The following MPDZ variants were observed in gnomAD, a reference collection of about 807,000 sequenced individuals.
The protein encoded by MPDZ is multiple PDZ domain crumbs cell polarity complex component, also known as multiple PDZ domain protein.
A neutral mutation model predicts 239.1 loss-of-function variants in MPDZ; 234 were observed. The ratio of observed to expected loss-of-function variants is 0.98; its 90% CI spans 0.88 to 1.09. The LOEUF (loss-of-function observed/expected upper bound fraction) is 1.09, where lower values mean the gene tolerates loss of function less well. Among genes scored for constraint, MPDZ ranks in the 50% least tolerant of loss-of-function variants. The pLI is 0.00. For synonymous variants in MPDZ, 1,048 were observed against 881.3 expected, an observed-to-expected ratio of 1.19 and a Z score of -3.35; for missense variants, 3,175 against 2,510.0, an observed-to-expected ratio of 1.26 and a Z score of -5.66.
chr9:13,111,761 G>C (rs1942511874), intron 43 of MPDZ, among the ~76,000 whole-genome samples: 1 of 152,088 alleles, frequency 6.6e-6, no homozygotes, highest in Admixed American at 6.6e-5. Context: ...CTTTTAGCTT[G>C]TTCCACAGAA....
intron 13 of MPDZ, among the ~76,000 whole-genome samples, chr9:13,193,874 T>G (rs1458217463): frequency 6.6e-6 from 1 of 152,206 alleles, no homozygotes; most frequent in Non-Finnish European, 1.5e-5. Context: ...AAAGACGATC[T>G]ACTTTATCCC....
At chr9:13,212,792 A>G (rs1162632794) in intron 10 of MPDZ, among the ~76,000 whole-genome samples, 1 of 50,638 alleles carries the variant, frequency 2.0e-5, no homozygotes, top group African/African-American at 1.7e-4. Context: ...GTCAAGGTTT[A>G]AAAAAAAAAA....
intron 4 of MPDZ, 124 bp from the exon 5 acceptor site, chr9:13,223,834 C>G (rs1022341205): frequency 1.5e-5 from 14 of 951,902 alleles, no homozygotes; most frequent in East Asian, 8.2e-5. Flanking sequence ...GAGTTAGGGA[C>G]CAGACTGGGC....
chr9:13,221,840 T>C (rs529210532), intron 6 of MPDZ, among the ~76,000 whole-genome samples: 2 of 152,138 alleles, frequency 1.3e-5, no homozygotes, highest in Admixed American at 1.3e-4. Context: ...GAATGTCTTC[T>C]GCATAATCCT....
chr9:13,187,836 AATG>A (rs1459708527), intron 17 of MPDZ, among the ~76,000 whole-genome samples: 1 of 152,134 alleles, frequency 6.6e-6, no homozygotes, highest in African/African-American at 2.4e-5. Flanking sequence ...ACTGCAATAC[AATG>A]ATAAGTGCCA....
chr9:13,243,957 G>C (rs1240401521), intron 3 of MPDZ, among the ~76,000 whole-genome samples: 1 of 152,196 alleles, frequency 6.6e-6, no homozygotes, highest in African/African-American at 2.4e-5. Flanking sequence ...TGCCATCTAA[G>C]CAGCTTTTGC....
At chr9:13,249,712 T>TA (rs1483493528) in intron 2 of MPDZ, among the ~76,000 whole-genome samples, 1 of 152,206 alleles carries the variant, frequency 6.6e-6, no homozygotes, top group Non-Finnish European at 1.5e-5. Context: ...CCATACCTGA[T>TA]ATATCTACCT....
At chr9:13,185,232 T>C (rs1000857233) in intron 18 of MPDZ, among the ~76,000 whole-genome samples, 4 of 152,032 alleles carry the variant, frequency 2.6e-5, no homozygotes, top group Non-Finnish European at 5.9e-5. Context: ...TATTATAACA[T>C]ATACCAAAAC....
intron 17 of MPDZ, among the ~76,000 whole-genome samples, 151 bp from the exon 18 acceptor site, chr9:13,186,537 G>GT (rs1290057156): frequency 6.6e-6 from 1 of 152,062 alleles, no homozygotes; most frequent in African/African-American, 2.4e-5. Context: ...ACATAGAATG[G>GT]TAAGTATGCA....
At chr9:13,183,703 A>G (rs557745753) in intron 18 of MPDZ, 118 bp from the exon 19 acceptor site, 4 of 969,224 alleles carry the variant, frequency 4.1e-6, no homozygotes, top group South Asian at 1.5e-5. Context: ...TGTATTTTCT[A>G]TATGCCCTCT....
intron 1 of MPDZ, among the ~76,000 whole-genome samples, chr9:13,270,890 A>G (rs557881471): frequency 4.6e-5 from 7 of 152,304 alleles, no homozygotes; most frequent in Non-Finnish European, 1.0e-4. Flanking sequence ...AATTCACTAT[A>G]TGACTGTCAT....
intron 10 of MPDZ, among the ~76,000 whole-genome samples, chr9:13,212,288 A>C (rs1957711749): frequency 1.3e-5 from 2 of 152,128 alleles, no homozygotes; most frequent in Admixed American, 1.3e-4. Context: ...ATAATGGAAC[A>C]GTCATGAACT....
Position 13,216,777 on chromosome 9 carries a change from T to C in MPDZ, c.1287A>G (p.Ile429Met). The C allele has an allele frequency of 6.2e-7, 1 of 1,600,920 alleles. No homozygotes were observed. The highest frequency in any genetic ancestry group is 8.5e-7 in the Non-Finnish European group (1 of 1,170,132). ...TATTGTTAAATGTGTAACTTACTGC[T>C]ATAATTTGGTCTCCAATTTGGATTC... ...DGRIQIGDQI[I>M]AVDGTNLQGF... Residue 429 changes from isoleucine to methionine, a missense_variant, in exon 10 of 47, where the codon ATA (isoleucine) becomes ATG (methionine). Ile to Met is a conservative substitution (Grantham distance 10). Transcript: ENST00000319217.
At chr9:13,132,028 C>T (rs1160796787) in intron 32 of MPDZ, among the ~76,000 whole-genome samples, 1 of 152,206 alleles carries the variant, frequency 6.6e-6, no homozygotes, top group Non-Finnish European at 1.5e-5. Flanking sequence ...TCAATAAATA[C>T]ATTCTAGCTA....
At chr9:13,108,456 T>A (rs1000770435) in intron 46 of MPDZ, among the ~76,000 whole-genome samples, 4 of 152,102 alleles carry the variant, frequency 2.6e-5, no homozygotes, top group African/African-American at 7.2e-5. Context: ...ATTTTTTCAG[T>A]AGTTATTTTT....
At position 13,200,897 on chromosome 9, in the gene MPDZ, C is replaced by T. The variant is rs139944152; in HGVS notation, c.1546+4139G>A. On this transcript the variant is annotated intron_variant, in intron 12 of 46. Coordinates refer to ENST00000319217, the MANE Select transcript of MPDZ (RefSeq NM_001378778.1). ...AAATGTGTATTCTGCAGCTGTTGGACGGAACGTTCTGTAAATGTCTATTGG... is the reference window on the plus strand; with the variant it reads ...AAATGTGTATTCTGCAGCTGTTGGATGGAACGTTCTGTAAATGTCTATTGG... Among the ~76,000 whole-genome samples, 380 of 151,994 alleles carry T rather than the reference C, an allele frequency of 2.5e-3. 2 individuals are homozygous for T. Among genetic ancestry groups the T allele is most frequent in the African/African-American group, 8.7e-3 (363 of 41,498 alleles).
chr9:13,123,692 G>A (rs749310187), intron 35 of MPDZ, among the ~76,000 whole-genome samples: 1 of 152,138 alleles, frequency 6.6e-6, no homozygotes, highest in Non-Finnish European at 1.5e-5. Context: ...AAGATTTATA[G>A]AACTCATAAC....
chr9:13,141,594 T>C (rs1188260149), intron 27 of MPDZ, among the ~76,000 whole-genome samples: 2 of 152,198 alleles, frequency 1.3e-5, no homozygotes, highest in East Asian at 1.9e-4. Flanking sequence ...TAGAAAAATA[T>C]TATGATTTTT....
intron 32 of MPDZ, among the ~76,000 whole-genome samples, chr9:13,132,776 C>T (rs774035502): frequency 5.9e-5 from 9 of 152,210 alleles, no homozygotes; most frequent in East Asian, 3.9e-4. Context: ...ACTATGTACA[C>T]GTTAAGAAAC....
Sources: allele counts gnomAD v4.1 joint callset (sites outside exome capture counted in the v4.1 genomes callset), GRCh38; gene constraint gnomAD v4.1.1; transcripts MANE v1.5; gene names NCBI Gene and HGNC (gene_info 2026-07-23, HGNC 2026-07-21).